MYT1L: variants seen among roughly 807,000 people sequenced by gnomAD.
The protein encoded by MYT1L is myelin transcription factor 1-like protein.
A neutral mutation model predicts 126.7 loss-of-function variants in MYT1L; 12 were observed. The observed-to-expected ratio is 0.09, with a 90% CI of 0.06 to 0.15. MYT1L has a LOEUF of 0.15. Ranked by LOEUF, MYT1L falls within the 10% of genes least tolerant of loss-of-function variation. The pLI, the probability that MYT1L is intolerant of heterozygous loss-of-function variation, is 1.00. For missense variants in MYT1L, 979 were observed against 1,585.2 expected (o/e 0.62, Z 6.49); for synonymous variants, 541 against 604.2 (o/e 0.90, Z 1.53).
At chr2:2,065,649 T>C (rs1342737658) in intron 3 of MYT1L, among the ~76,000 whole-genome samples, 1 of 152,170 alleles carries the variant, frequency 6.6e-6, no homozygotes, top group Non-Finnish European at 1.5e-5. Context: ...TCTTGCTTCC[T>C]TGCAATGAGT....
At chr2:1,957,955 CA>C (rs1419413892) in intron 8 of MYT1L, among the ~76,000 whole-genome samples, 1 of 152,144 alleles carries the variant, frequency 6.6e-6, no homozygotes, top group African/African-American at 2.4e-5. Flanking sequence ...AACCCATTTC[CA>C]GCTGGGCCCC....
intron 3 of MYT1L, among the ~76,000 whole-genome samples, chr2:2,131,079 C>A (rs560803216): frequency 6.6e-6 from 1 of 152,226 alleles, no homozygotes; most frequent in African/African-American, 2.4e-5. Context: ...GAAGTAGAGA[C>A]GGGATGGTCT....
chr2:1,965,751 C>T (rs565021183), intron 8 of MYT1L, among the ~76,000 whole-genome samples: 22 of 152,328 alleles, frequency 1.4e-4, no homozygotes, highest in South Asian at 4.1e-4. Context: ...GTGGGCACCG[C>T]GGGCTGATTC....
chr2:1,916,861 G>C (rs191946653), intron 11 of MYT1L, among the ~76,000 whole-genome samples: 61 of 152,332 alleles, frequency 4.0e-4, no homozygotes, highest in African/African-American at 1.4e-3. Flanking sequence ...TGGAAGGGAC[G>C]TCTTAGAGGC....
At chr2:2,272,622 G>A (rs2095285335) in intron 2 of MYT1L, among the ~76,000 whole-genome samples, 1 of 152,122 alleles carries the variant, frequency 6.6e-6, no homozygotes. Context: ...ATCATCTCCA[G>A]CATAGGTCTC....
chr2:2,088,226 A>T (rs555652721), intron 3 of MYT1L, among the ~76,000 whole-genome samples: 1 of 152,322 alleles, frequency 6.6e-6, no homozygotes, highest in South Asian at 2.1e-4. Context: ...CACCGAAGAG[A>T]AGGTGATGAC....
At chr2:2,048,964 A>G (rs2068506125) in intron 4 of MYT1L, among the ~76,000 whole-genome samples, 1 of 152,252 alleles carries the variant, frequency 6.6e-6, no homozygotes, top group African/African-American at 2.4e-5. Context: ...ACTACAGTCC[A>G]GAAAAATAAA....
rs549234038 is a variant in MYT1L, at chr2:2,205,989, T to TTTC, written c.-420-33002_-420-33001insGAA. Among the ~76,000 whole-genome samples the TTTC allele has an allele frequency of 2.1e-3, 204 of 98,032 alleles. 1 individual carries two copies. Among genetic ancestry groups the TTTC allele is most frequent in the African/African-American group, 6.1e-3 (186 of 30,598 alleles). 64.3% of individuals were successfully genotyped at this position (98,032 alleles called of 152,430 possible). On this transcript the variant is annotated intron_variant, in intron 2 of 24. Transcript: ENST00000647738. The stretch of plus-strand genomic sequence containing the variant: ...AATTTCTTTTCTTTTCTTTTCTTTC[T>TTTC]TTTTTTTTTTTGAAACAGGGTCTCA...
intron 3 of MYT1L, among the ~76,000 whole-genome samples, chr2:2,116,337 G>A (rs1049381645): frequency 3.9e-5 from 6 of 152,144 alleles, no homozygotes; most frequent in South Asian, 4.1e-4. Context: ...ATGCTGAGTC[G>A]TCAAATACAG....
At chr2:2,217,307 A>T (rs949149675) in intron 2 of MYT1L, among the ~76,000 whole-genome samples, 8 of 152,220 alleles carry the variant, frequency 5.3e-5, no homozygotes, top group African/African-American at 1.9e-4. Flanking sequence ...AGTACAGTGC[A>T]TCATGACCCA....
chr2:2,281,706 A>G (rs1466055974), intron 2 of MYT1L, among the ~76,000 whole-genome samples: 1 of 152,236 alleles, frequency 6.6e-6, no homozygotes, highest in Non-Finnish European at 1.5e-5. Flanking sequence ...TGTTCTGAAC[A>G]TAGTAGATCA....
intron 3 of MYT1L, among the ~76,000 whole-genome samples, chr2:2,162,451 T>C (rs2088167479): frequency 6.6e-6 from 1 of 152,136 alleles, no homozygotes. Flanking sequence ...AGCTGAGCCC[T>C]TGCTGACTCA....
intron 11 of MYT1L, among the ~76,000 whole-genome samples, chr2:1,915,535 G>T (rs1210816633): frequency 6.6e-6 from 1 of 152,222 alleles, no homozygotes; most frequent in African/African-American, 2.4e-5. Context: ...AGGTGAAAAT[G>T]TAGGTCTTAT....
chr2:1,899,208 C>T (rs753089996), intron 14 of MYT1L, among the ~76,000 whole-genome samples: 3 of 152,184 alleles, frequency 2.0e-5, no homozygotes, highest in East Asian at 1.9e-4. Context: ...TTGGGAACTG[C>T]GCGATTGTTT....
chr2:2,150,876 GGGAA>G (rs981950775), intron 3 of MYT1L, among the ~76,000 whole-genome samples: 1,547 of 145,600 alleles, frequency 0.011, 28 homozygotes, highest in African/African-American at 0.033. Context: ...GAAGAAGGGA[GGGAA>G]GGAAGGAAGG....
chr2:1,948,365 C>G (rs1241947932), intron 8 of MYT1L, among the ~76,000 whole-genome samples: 1 of 152,218 alleles, frequency 6.6e-6, no homozygotes, highest in Non-Finnish European at 1.5e-5. Flanking sequence ...TCCCTTCTCT[C>G]TCTGATCCAT....
chr2:2,139,488 A>G (rs1055221078), intron 3 of MYT1L, among the ~76,000 whole-genome samples: 1 of 151,778 alleles, frequency 6.6e-6, no homozygotes, highest in African/African-American at 2.4e-5. Flanking sequence ...TATATACAAA[A>G]ATTAGCTGGG....
intron 1 of MYT1L, among the ~76,000 whole-genome samples, chr2:2,317,077 A>G (rs2096077922): frequency 6.6e-6 from 1 of 151,802 alleles, no homozygotes; most frequent in South Asian, 2.1e-4. Context: ...TTGGCCTCCC[A>G]AAGTGCTGAG....
chr2:2,261,676 C>T (rs190530224), intron 2 of MYT1L, among the ~76,000 whole-genome samples: 8 of 152,308 alleles, frequency 5.3e-5, no homozygotes, highest in East Asian at 3.9e-4. Flanking sequence ...ACAAAAACAA[C>T]GTCCACAATT....
Sources: allele counts gnomAD v4.1 joint callset (sites outside exome capture counted in the v4.1 genomes callset), GRCh38; gene constraint gnomAD v4.1.1; transcripts MANE v1.5; gene names NCBI Gene and HGNC (gene_info 2026-07-23, HGNC 2026-07-21).